The following IL6R variants were observed in gnomAD, a reference collection of about 807,000 sequenced individuals.
IL6R encodes the protein interleukin-6 receptor subunit alpha.
In IL6R, 38 loss-of-function variants were observed where a neutral mutation model predicts 48.3. That is an observed-to-expected ratio of 0.79 (90% CI 0.61 to 1.03). The LOEUF is 1.03. Among genes scored for constraint, IL6R ranks in the 50% least tolerant of loss-of-function variants. IL6R has a pLI of 0.00. For synonymous variants in IL6R, 264 were observed against 256.2 expected, an observed-to-expected ratio of 1.03 and a Z score of -0.29; for missense variants, 534 against 618.3, an observed-to-expected ratio of 0.86 and a Z score of 1.45.
At chr1:154,422,959 C>G (rs1003295573) in intron 1 of IL6R, among the ~76,000 whole-genome samples, 14 of 152,066 alleles carry the variant, frequency 9.2e-5, no homozygotes, top group African/African-American at 3.4e-4. Flanking sequence ...GAAAAACAGA[C>G]AGATGGGAGG....
At chr1:154,418,318 T>TGA (rs750941156) in intron 1 of IL6R, 1 of 587,802 alleles carries the variant, frequency 1.7e-6, no homozygotes, top group Non-Finnish European at 2.1e-6. Context: ...CGCACGTGGG[T>TGA]CTCTGAGTCA....
At chr1:154,415,188 A>C (rs1278964799) in intron 1 of IL6R, 1 of 696,538 alleles carries the variant, frequency 1.4e-6, no homozygotes, top group East Asian at 2.7e-5. Context: ...CCCGGAGCTC[A>C]AGGCGCCGGC....
intron 1 of IL6R, among the ~76,000 whole-genome samples, chr1:154,416,391 C>T (rs376915771): frequency 7.0e-4 from 107 of 151,932 alleles, no homozygotes; most frequent in African/African-American, 2.3e-3. Context: ...GAGATCCTCC[C>T]GCCTCAGCCT....
chr1:154,441,925 G>A (rs1165898517), intron 6 of IL6R, among the ~76,000 whole-genome samples: 2 of 151,994 alleles, frequency 1.3e-5, no homozygotes, highest in African/African-American at 2.4e-5. Context: ...CACCAATCTT[G>A]TTCCTTTCAG....
chr1:154,461,979 CA>C lies in IL6R; in HGVS notation c.1161-3151del, dbSNP rs1691288692. On this transcript the variant is annotated intron_variant, in intron 9 of 9. Transcript: ENST00000368485. ...TAAAACATCTTAAGTGATCCTTAAA[CA>C]AAAGTCTTAGGATCCTAATGTCAGA... 3.9e-5 allele frequency among the ~76,000 whole-genome samples: 6 copies of C among 152,126 alleles called. No individual in the cohort carries two copies. The South Asian group carries it at 1.2e-3, about 32-fold the overall frequency.
chr1:154,422,963 T>C (rs1688762321), intron 1 of IL6R, among the ~76,000 whole-genome samples: 1 of 151,920 alleles, frequency 6.6e-6, no homozygotes, highest in Non-Finnish European at 1.5e-5. Flanking sequence ...AACAGACAGA[T>C]GGGAGGAATC....
chr1:154,445,464 A>G (rs1291006024), intron 6 of IL6R, among the ~76,000 whole-genome samples: 1 of 152,032 alleles, frequency 6.6e-6, no homozygotes, highest in African/African-American at 2.4e-5. Flanking sequence ...AAAAACCCTA[A>G]TGACAGCTGG....
At chr1:154,451,229 T>C (rs1690560218) in intron 8 of IL6R, among the ~76,000 whole-genome samples, 1 of 152,096 alleles carries the variant, frequency 6.6e-6, no homozygotes, top group Non-Finnish European at 1.5e-5. Context: ...GTTCAAAGGT[T>C]GCTATGGGCC....
chr1:154,417,064 G>T (rs1420116504), intron 1 of IL6R, among the ~76,000 whole-genome samples: 1 of 152,126 alleles, frequency 6.6e-6, no homozygotes, highest in Non-Finnish European at 1.5e-5. Flanking sequence ...TGGAATGGGG[G>T]TGCGTACATC....
intron 1 of IL6R, among the ~76,000 whole-genome samples, chr1:154,406,137 G>A (rs1687701186): frequency 6.6e-6 from 1 of 152,118 alleles, no homozygotes; most frequent in Admixed American, 6.5e-5. Context: ...TTGTACCAGC[G>A]CCCCTCTTCT....
At chr1:154,448,922 TGTCGCCCA>T (rs1326883728) in intron 7 of IL6R, among the ~76,000 whole-genome samples, 3 of 130,024 alleles carry the variant, frequency 2.3e-5, no homozygotes, top group Non-Finnish European at 3.2e-5. Flanking sequence ...AGTCTCGCTC[TGTCGCCCA>T]GGTGGGACTG....
At chr1:154,454,417 C>G in intron 8 of IL6R, 71 bp from the exon 9 acceptor site, 13 of 1,000,206 alleles carry the variant, frequency 1.3e-5, no homozygotes, top group Non-Finnish European at 1.8e-5. Context: ...AAGTGGTTTT[C>G]TTCTCCTCCT....
At chr1:154,448,007 C>A (rs1388522385) in intron 6 of IL6R, 118 bp from the exon 7 acceptor site, 3 of 820,216 alleles carry the variant, frequency 3.7e-6, no homozygotes, top group African/African-American at 1.7e-5. Context: ...CCGCGCCCAG[C>A]CCATGCTGTT....
intron 1 of IL6R, among the ~76,000 whole-genome samples, chr1:154,417,120 TA>T (rs1020539689): frequency 6.6e-6 from 1 of 151,968 alleles, no homozygotes; most frequent in Non-Finnish European, 1.5e-5. Context: ...CAGAAGCACA[TA>T]AAAAAAATCT....
chr1:154,437,557 G>A lies in IL6R; in HGVS notation c.949+1447G>A, dbSNP rs547308744. 2.8e-4 allele frequency: 112 copies of A among 406,056 alleles called. 1 individual carries two copies. The highest frequency in any genetic ancestry group is 2.2e-3 in the African/African-American group (107 of 48,010). 25.2% of individuals were successfully genotyped at this position (406,056 alleles called of 1,614,324 possible). A position where few individuals can be genotyped will look rare whatever the true frequency, so the allele number is the denominator to read the frequency against. On this transcript the variant is annotated intron_variant, in intron 6 of 9. Transcript: ENST00000368485. Reference sequence around the variant, plus strand: ...GCCTCCTAAGTAGCTGGGACCACAGGCGTGTGCCACAATGCTAATTTTTTA... The same window carrying A: ...GCCTCCTAAGTAGCTGGGACCACAGACGTGTGCCACAATGCTAATTTTTTA...
intron 1 of IL6R, among the ~76,000 whole-genome samples, chr1:154,424,143 C>T (rs1334396045): frequency 6.6e-6 from 1 of 152,180 alleles, no homozygotes; most frequent in African/African-American, 2.4e-5. Flanking sequence ...CGAGAGGGCA[C>T]CACTTAGACC....
At chr1:154,435,181 C>A in intron 5 of IL6R, 25 bp downstream of exon 5, 2 of 1,609,042 alleles carry the variant, frequency 1.2e-6, no homozygotes, top group South Asian at 2.2e-5. Flanking sequence ...TACTTCTGGT[C>A]AGAGAGGCGC....
intron 1 of IL6R, among the ~76,000 whole-genome samples, chr1:154,428,530 G>A (rs1473461366): frequency 6.6e-6 from 1 of 152,168 alleles, no homozygotes; most frequent in Non-Finnish European, 1.5e-5. Context: ...GCATCCATTC[G>A]TTCACACATT....
intron 3 of IL6R, among the ~76,000 whole-genome samples, chr1:154,432,144 CG>C (rs1261433436): frequency 2.0e-5 from 3 of 152,258 alleles, no homozygotes; most frequent in African/African-American, 2.4e-5. Flanking sequence ...ATGAAAAGTG[CG>C]GATTACCATC....
Sources: allele counts gnomAD v4.1 joint callset (sites outside exome capture counted in the v4.1 genomes callset), GRCh38; gene constraint gnomAD v4.1.1; transcripts MANE v1.5; gene names NCBI Gene and HGNC (gene_info 2026-07-23, HGNC 2026-07-21).